Variants in ANXA3 observed in about 807,000 individuals in gnomAD.
ANXA3 encodes the protein annexin A3.
In ANXA3, 46 loss-of-function variants were observed where a neutral mutation model predicts 48.8. The ratio of observed to expected loss-of-function variants is 0.94; its 90% CI spans 0.74 to 1.21. The LOEUF is 1.21. ANXA3 is among the 50% of genes most tolerant of loss of function. The pLI is 0.00. For synonymous variants in ANXA3, 128 were observed against 134.7 expected, an observed-to-expected ratio of 0.95 and a Z score of 0.35; for missense variants, 383 against 378.6, an observed-to-expected ratio of 1.01 and a Z score of -0.10.
intron 6 of ANXA3, among the ~76,000 whole-genome samples, chr4:78,587,889 C>T (rs1056262248): frequency 2.6e-5 from 4 of 151,896 alleles, no homozygotes; most frequent in South Asian, 2.1e-4. Context: ...GTCAGGAGTT[C>T]GAGACCAGCC....
intron 4 of ANXA3, among the ~76,000 whole-genome samples, chr4:78,580,776 C>T (rs1723055508): frequency 6.6e-6 from 1 of 152,172 alleles, no homozygotes; most frequent in Admixed American, 6.5e-5. Context: ...CTGTTTTTCC[C>T]ATGAGGGCAG....
chr4:78,567,218 G>A (rs1722750374), intron 2 of ANXA3, among the ~76,000 whole-genome samples: 1 of 152,152 alleles, frequency 6.6e-6, no homozygotes, highest in Non-Finnish European at 1.5e-5. Flanking sequence ...AGTTTCCTAG[G>A]GCTGCTGTAA....
chr4:78,560,023 GC>G (rs1470921873), intron 2 of ANXA3, among the ~76,000 whole-genome samples: 2 of 152,046 alleles, frequency 1.3e-5, no homozygotes, highest in African/African-American at 4.8e-5. Flanking sequence ...CACATCAATA[GC>G]CCCCTCTCCC....
At chr4:78,586,432 T>C in intron 6 of ANXA3, 82 bp downstream of exon 6, 5 of 966,882 alleles carry the variant, frequency 5.2e-6, no homozygotes, top group Non-Finnish European at 6.4e-6. Flanking sequence ...TCTCAATCTC[T>C]TCATGAGGCA....
At chr4:78,600,043 C>G (rs1431124048) in intron 10 of ANXA3, among the ~76,000 whole-genome samples, 1 of 152,222 alleles carries the variant, frequency 6.6e-6, no homozygotes. Flanking sequence ...GGAAACACGT[C>G]TGGCAGTGGA....
At chr4:78,592,433 A>C (rs377309573) in intron 7 of ANXA3, among the ~76,000 whole-genome samples, 127 of 152,358 alleles carry the variant, frequency 8.3e-4, no homozygotes, top group African/African-American at 2.8e-3. Flanking sequence ...TTATGGTTTC[A>C]GTTACTTTAA....
At chr4:78,587,986 C>T (rs1723212341) in intron 6 of ANXA3, among the ~76,000 whole-genome samples, 1 of 152,158 alleles carries the variant, frequency 6.6e-6, no homozygotes, top group African/African-American at 2.4e-5. Context: ...GTCCCAGCTA[C>T]TCAGGAGGCT....
At chr4:78,562,907 A>G (rs1722653556) in intron 2 of ANXA3, among the ~76,000 whole-genome samples, 1 of 152,228 alleles carries the variant, frequency 6.6e-6, no homozygotes, top group South Asian at 2.1e-4. Context: ...CCTGAGGCAG[A>G]TGGGCAAGAC....
intron 3 of ANXA3, among the ~76,000 whole-genome samples, chr4:78,574,951 G>A (rs1560443851): frequency 6.6e-6 from 1 of 152,192 alleles, no homozygotes; most frequent in Non-Finnish European, 1.5e-5. Flanking sequence ...TCTCTGAAAT[G>A]AATGCAGAAA....
chr4:78,606,753 A>G (rs1723657198), intron 12 of ANXA3, among the ~76,000 whole-genome samples: 1 of 151,098 alleles, frequency 6.6e-6, no homozygotes. Flanking sequence ...TCTCTTTTTA[A>G]TCAGAGTTTT....
chr4:78,564,991 ATTTT>A (rs55971305), intron 2 of ANXA3, among the ~76,000 whole-genome samples: 10 of 118,294 alleles, frequency 8.5e-5, no homozygotes, highest in African/African-American at 2.4e-4. Context: ...TCTGACTTAG[ATTTT>A]TTTTTTTTTT....
intron 6 of ANXA3, among the ~76,000 whole-genome samples, chr4:78,587,214 G>A (rs1197231980): frequency 6.6e-6 from 1 of 152,148 alleles, no homozygotes; most frequent in Non-Finnish European, 1.5e-5. Flanking sequence ...TTTTATTGGG[G>A]TTTCGTTATA....
At chr4:78,595,583 G>C (rs1457236679) in intron 8 of ANXA3, 146 bp downstream of exon 8, 32 of 997,094 alleles carry the variant, frequency 3.2e-5, no homozygotes, top group Non-Finnish European at 7.4e-6. Context: ...TGAAGCTTGG[G>C]GATCGGAACC....
chr4:78,602,540 A>T (rs1723565900), intron 11 of ANXA3: 1 of 152,166 alleles, frequency 6.6e-6, no homozygotes, highest in South Asian at 2.1e-4. Flanking sequence ...AAATAAACCA[A>T]GCTGAGTTGG....
intron 3 of ANXA3, among the ~76,000 whole-genome samples, chr4:78,578,373 A>AGAAG (rs1553900208): frequency 2.3e-5 from 2 of 87,860 alleles, no homozygotes; most frequent in Non-Finnish European, 4.1e-5. Flanking sequence ...GAGGGAGGAA[A>AGAAG]GAAGGAAGGG....
At chr4:78,597,275 C>T (rs537983688) in intron 9 of ANXA3, 44 bp from the exon 10 acceptor site, 1 of 1,280,822 alleles carries the variant, frequency 7.8e-7, no homozygotes, top group East Asian at 2.4e-5. Context: ...TTCAAATGTG[C>T]TCAACTGCGT....
At chr4:78,554,594 C>T in intron 2 of ANXA3, 106 bp downstream of exon 2, 2 of 963,100 alleles carry the variant, frequency 2.1e-6, no homozygotes, top group Non-Finnish European at 3.3e-6. Flanking sequence ...TTAAGTTTAT[C>T]TGGCAAAATT....
At chr4:78,603,468 T>C (rs968048232) in intron 11 of ANXA3, 1 of 152,224 alleles carries the variant, frequency 6.6e-6, no homozygotes, top group Non-Finnish European at 1.5e-5. Context: ...ATTTTCTCCA[T>C]CCCTACTGCC....
chr4:78,565,020 G>T (rs1226805694), intron 2 of ANXA3, among the ~76,000 whole-genome samples: 2 of 142,600 alleles, frequency 1.4e-5, no homozygotes, highest in Non-Finnish European at 3.0e-5. Context: ...TTGAGATGGA[G>T]TCTCGCTCTG....
Sources: gnomAD v4.1 joint callset for allele counts (sites outside exome capture counted in the v4.1 genomes callset) on GRCh38, gnomAD v4.1.1 for gene constraint, MANE v1.5 for transcripts, NCBI Gene and HGNC (gene_info 2026-07-23, HGNC 2026-07-21) for gene names.